The following ATAD1 variants were observed in gnomAD, a reference collection of about 807,000 sequenced individuals.
The protein encoded by ATAD1 is ATPase family AAA domain containing 1, also known as outer mitochondrial transmembrane helix translocase.
Under a neutral mutation model 42.7 loss-of-function variants are expected in ATAD1, and 18 were observed. The observed-to-expected ratio is 0.42, with a 90% CI of 0.29 to 0.63. The LOEUF (loss-of-function observed/expected upper bound fraction) is 0.63, where lower values mean the gene tolerates loss of function less well. Among genes scored for constraint, ATAD1 ranks in the 20% least tolerant of loss-of-function variants. The pLI, the probability that ATAD1 is intolerant of heterozygous loss-of-function variation, is 0.19. For synonymous variants in ATAD1, 132 were observed against 143.1 expected (o/e 0.92, Z 0.55); for missense variants, 294 against 440.4 (o/e 0.67, Z 2.98).
chr10:87,837,720 A>C (rs1416743334), intron 1 of ATAD1, among the ~76,000 whole-genome samples: 2 of 152,164 alleles, frequency 1.3e-5, no homozygotes, highest in Non-Finnish European at 2.9e-5. Flanking sequence ...CACTATGTCC[A>C]GGGCTCAGCA....
intron 2 of ATAD1, among the ~76,000 whole-genome samples, chr10:87,793,307 G>A (rs1456133059): frequency 1.3e-5 from 2 of 152,004 alleles, no homozygotes; most frequent in African/African-American, 4.8e-5. Flanking sequence ...CTTGGGACTA[G>A]GCAACCAGAG....
At position 87,754,167 on chromosome 10, in the gene ATAD1, C is replaced by T. The variant is rs1854121424; in HGVS notation, c.*520G>A. 1 of 152,564 alleles carries T rather than the reference C, an allele frequency of 6.6e-6. No homozygotes were observed. The highest frequency in any genetic ancestry group is 1.5e-5 in the Non-Finnish European group (1 of 68,028). The allele number at this position is 152,564 out of a possible 1,614,324, so 9.5% of individuals were successfully genotyped here. ...AATCACTGTACCTTTTTGACACAACCTTAAATCTTAGTTTTACTATATATT... is the reference window on the plus strand; with the variant it reads ...AATCACTGTACCTTTTTGACACAACTTTAAATCTTAGTTTTACTATATATT... On this transcript the variant is annotated 3_prime_UTR_variant, in exon 10 of 10. Coordinates refer to ENST00000680024, the MANE Select transcript of ATAD1 (RefSeq NM_001321967.2).
intron 5 of ATAD1, among the ~76,000 whole-genome samples, chr10:87,777,505 A>G (rs1221069964): frequency 6.6e-6 from 1 of 152,166 alleles, no homozygotes; most frequent in Non-Finnish European, 1.5e-5. Flanking sequence ...CTTCCAAATT[A>G]TCTACAATGA....
intron 2 of ATAD1, among the ~76,000 whole-genome samples, chr10:87,793,965 G>A (rs1856254262): frequency 6.6e-6 from 1 of 151,954 alleles, no homozygotes; most frequent in Admixed American, 6.6e-5. Flanking sequence ...GGCCAGGAAT[G>A]GGGGCTCCCA....
At chr10:87,760,017 T>A (rs1406264880) in intron 8 of ATAD1, among the ~76,000 whole-genome samples, 1 of 152,162 alleles carries the variant, frequency 6.6e-6, no homozygotes, top group African/African-American at 2.4e-5. Context: ...AACAGCAGAA[T>A]AAGTTAACAG....
At chr10:87,841,149 G>A (rs1858027419) in intron 1 of ATAD1, 2 of 152,060 alleles carry the variant, frequency 1.3e-5, no homozygotes, top group Non-Finnish European at 1.5e-5. Flanking sequence ...CTTTACACTA[G>A]AGCCTATATG....
At chr10:87,816,744 A>C (rs74468662) in intron 1 of ATAD1, among the ~76,000 whole-genome samples, 1 of 152,228 alleles carries the variant, frequency 6.6e-6, no homozygotes, top group South Asian at 2.1e-4. Flanking sequence ...TTTATTCCAC[A>C]AAGTTGAAAA....
At chr10:87,775,312 T>C in intron 6 of ATAD1, among the ~76,000 whole-genome samples, 1 of 149,950 alleles carries the variant, frequency 6.7e-6, no homozygotes, top group East Asian at 2.0e-4. Context: ...CCCCAGCTAC[T>C]TGGGAGGCTG....
intron 1 of ATAD1, among the ~76,000 whole-genome samples, chr10:87,831,124 T>A (rs975736555): frequency 1.3e-5 from 2 of 152,192 alleles, no homozygotes. Flanking sequence ...GTCTACATTA[T>A]AGAGTTGGGG....
At chr10:87,805,578 ACCT>A (rs1435833090) in intron 2 of ATAD1, among the ~76,000 whole-genome samples, 2 of 151,778 alleles carry the variant, frequency 1.3e-5, no homozygotes, top group Admixed American at 1.3e-4. Flanking sequence ...TAGGCCCCCA[ACCT>A]CCTCCACTCA....
rs546612509 is a variant in ATAD1 at position 87,769,474 on chromosome 10, A to G, written c.780+1478T>C. Reference sequence around the variant, plus strand: ...AAATTCCATGGACTTCCCTGACAGAATATTAGTTTTCATCAACATCTCAGG... The same window carrying G: ...AAATTCCATGGACTTCCCTGACAGAGTATTAGTTTTCATCAACATCTCAGG... On this transcript the variant is annotated intron_variant, in intron 7 of 9. Transcript: ENST00000680024. Among the ~76,000 whole-genome samples, 11 of 152,312 alleles carry G rather than the reference A, an allele frequency of 7.2e-5. No individual in the cohort carries two copies. In the South Asian group the frequency reaches 1.0e-3, roughly 14 times the overall value.
intron 1 of ATAD1, among the ~76,000 whole-genome samples, chr10:87,829,233 T>TATTA (rs1857784274): frequency 1.0e-5 from 1 of 100,004 alleles, no homozygotes; most frequent in Admixed American, 1.1e-4. Flanking sequence ...TTATTTTATT[T>TATTA]ATTATTTATT....
At chr10:87,809,999 T>TTA (rs1192206609) in intron 2 of ATAD1, among the ~76,000 whole-genome samples, 4 of 152,118 alleles carry the variant, frequency 2.6e-5, no homozygotes, top group African/African-American at 4.8e-5. Flanking sequence ...AGGTAGTATT[T>TTA]TATTGGTAAC....
Position 87,800,357 on chromosome 10 carries a change from T to C in ATAD1, c.163-7602A>G, listed in dbSNP as rs775370108. ...CTCTCTCCTTTTAAAGGGTGTGAAATTGTAACACTCTCTTTCAACTCATTT... is the reference window on the plus strand; with the variant it reads ...CTCTCTCCTTTTAAAGGGTGTGAAACTGTAACACTCTCTTTCAACTCATTT... On this transcript the variant is annotated intron_variant, in intron 2 of 9. Transcript: ENST00000680024. Among the ~76,000 whole-genome samples the C allele has an allele frequency of 2.0e-4, 30 of 152,186 alleles. No homozygotes were observed. The Middle Eastern group carries it at 0.01, about 52-fold the overall frequency.
intron 3 of ATAD1, among the ~76,000 whole-genome samples, chr10:87,791,416 A>AC (rs1346608891): frequency 6.6e-6 from 1 of 151,994 alleles, no homozygotes; most frequent in African/African-American, 2.4e-5. Flanking sequence ...TGTAAAAAAA[A>AC]ATGATAAAAA....
In ATAD1 at chr10:87,790,305, C is replaced by G; in HGVS notation, c.382+5G>C. Reference sequence around the variant, plus strand: ...GCTTTAGGCGAATATATACCTTTACCATACCTTTTGGAGGCTGCAGAAGCC... The same window carrying G: ...GCTTTAGGCGAATATATACCTTTACGATACCTTTTGGAGGCTGCAGAAGCC... On this transcript the variant is annotated splice_donor_5th_base_variant and intron_variant, in intron 4 of 9. Transcript: ENST00000680024. 1.9e-6 allele frequency: 3 copies of G among 1,609,850 alleles called. No individual in the cohort carries two copies. The East Asian group carries it at 6.7e-5, about 36-fold the overall frequency.
At chr10:87,772,213 CTTTCT>C (rs1855075976) in intron 6 of ATAD1, among the ~76,000 whole-genome samples, 1 of 151,752 alleles carries the variant, frequency 6.6e-6, no homozygotes, top group African/African-American at 2.4e-5. Context: ...TTCTTTCTTT[CTTTCT>C]TTTTTTTTTT....
At chr10:87,810,738 A>T (rs1405716250) in intron 2 of ATAD1, among the ~76,000 whole-genome samples, 3 of 152,232 alleles carry the variant, frequency 2.0e-5, no homozygotes, top group African/African-American at 7.2e-5. Flanking sequence ...TTCACCCAGC[A>T]TATGGCTTAA....
At chr10:87,800,577 A>C (rs1856644657) in intron 2 of ATAD1, among the ~76,000 whole-genome samples, 1 of 152,078 alleles carries the variant, frequency 6.6e-6, no homozygotes, top group African/African-American at 2.4e-5. Flanking sequence ...ATTATGATTC[A>C]GTTTGGTTTG....
Sources: allele counts gnomAD v4.1 joint callset (sites outside exome capture counted in the v4.1 genomes callset), GRCh38; gene constraint gnomAD v4.1.1; transcripts MANE v1.5; gene names NCBI Gene and HGNC (gene_info 2026-07-23, HGNC 2026-07-21).